F2: variants seen among roughly 807,000 people sequenced by gnomAD.
F2 encodes the protein coagulation factor II, thrombin.
F2 carries 34 observed loss-of-function variants against 81.9 expected under a neutral mutation model. That is an observed-to-expected ratio of 0.42 (90% CI 0.32 to 0.55). The LOEUF (loss-of-function observed/expected upper bound fraction) is 0.55, where lower values mean the gene tolerates loss of function less well. Among genes scored for constraint, F2 ranks in the 20% least tolerant of loss-of-function variants. The probability of loss-of-function intolerance (pLI) is 0.18; values close to 1 mark genes in which losing one functional copy is unlikely to be tolerated. For missense variants in F2, 630 were observed against 833.4 expected, an observed-to-expected ratio of 0.76 and a Z score of 3.00; for synonymous variants, 296 against 326.4, an observed-to-expected ratio of 0.91 and a Z score of 1.01.
rs112619944 is a variant in F2, at chr11:46,720,431, G to A, written c.241-92G>A. On this transcript the variant is annotated intron_variant, in intron 2 of 13. Coordinates refer to ENST00000311907, the MANE Select transcript of F2 (RefSeq NM_000506.5). The stretch of plus-strand genomic sequence containing the variant: ...AGAGCCTGCCCCCTGCGTGACCAGG[G>A]TAAAGGAAAGTGTGAGGAGGAGACA... 9.0e-3 allele frequency: 13,148 copies of A among 1,467,170 alleles called. 123 individuals are homozygous for A. The highest frequency in any genetic ancestry group is 0.028 in the South Asian group (2,440 of 87,934). The allele number at this position is 1,467,170 out of a possible 1,614,324, so 90.9% of individuals were successfully genotyped here.
At position 46,739,389 on chromosome 11, in the gene F2, T is replaced by C. The variant is rs1295742829; in HGVS notation, c.1850T>C (p.Ile617Thr). 3.7e-6 allele frequency: 6 copies of C among 1,614,000 alleles called. No homozygotes were observed. Among genetic ancestry groups the C allele is most frequent in the Non-Finnish European group, 5.1e-6 (6 of 1,180,024 alleles). The stretch of plus-strand genomic sequence containing the variant: ...CTGAAGAAGTGGATACAGAAGGTCA[T>C]TGATCAGTTTGGAGAGTAGGGGGCC... ...FRLKKWIQKV[I>T]DQFGE The change falls in exon 14 of 14, where the codon ATT becomes ACT. Residue 617 changes from isoleucine (I) to threonine (T), a missense_variant. Transcript: ENST00000311907.
intron 12 of F2, among the ~76,000 whole-genome samples, chr11:46,738,599 G>A (rs145646437): frequency 1.3e-5 from 2 of 152,078 alleles, no homozygotes; most frequent in African/African-American, 4.8e-5. Context: ...TTAGCCTCCC[G>A]AGTAGCTGGG....
In F2 at chr11:46,719,571, G is replaced by A. The variant is rs988036917; in HGVS notation, c.80-131G>A. The A allele has an allele frequency of 5.6e-6, 7 of 1,260,050 alleles. No individual in the cohort carries two copies. In the African/African-American group the frequency reaches 1.0e-4, roughly 19 times the overall value. The allele number at this position is 1,260,050 out of a possible 1,614,324, so 78.1% of individuals were successfully genotyped here. A position where few individuals can be genotyped will look rare whatever the true frequency, so the allele number is the denominator to read the frequency against. On this transcript the variant is annotated intron_variant, in intron 1 of 13. Transcript: ENST00000311907. The surrounding 1 kb of genome is among the most constrained non-coding windows in gnomAD (Gnocchi z 4.7). ...GGGGCCACATTTAGCAGCCTTCCAG[G>A]CACTTCCACCAGCCCAGACAGCCTC... is the stretch of plus-strand genomic sequence containing the variant.
chr11:46,737,018 T>C (rs181672375), intron 12 of F2, among the ~76,000 whole-genome samples: 429 of 152,324 alleles, frequency 2.8e-3, no homozygotes, highest in Non-Finnish European at 4.3e-3. Flanking sequence ...CTTATAATTT[T>C]TTCTATTGGT....
In F2 at chr11:46,723,075, G is replaced by A. The variant is rs1156348970; in HGVS notation, c.317-105G>A. ...AGGGGCTGGGTGAATGCAGGTTCAG[G>A]ATTGTGGACCTGCATGAGCTGGGAG... is the stretch of plus-strand genomic sequence containing the variant. On this transcript the variant is annotated intron_variant, in intron 4 of 13. Transcript: ENST00000311907. This position sits in a 1 kb window ranked among gnomAD's most constrained non-coding sequence, Gnocchi z 5.6. The A allele has an allele frequency of 1.1e-6, 1 of 937,346 alleles. No homozygotes were observed. Among genetic ancestry groups the A allele is most frequent in the East Asian group, 2.4e-5 (1 of 41,868 alleles). 58.1% of individuals were successfully genotyped at this position (937,346 alleles called of 1,614,324 possible). A position where few individuals can be genotyped will look rare whatever the true frequency, so the allele number is the denominator to read the frequency against.
In F2 at chr11:46,726,772, C is replaced by T. The variant is rs780610757; in HGVS notation, c.1065C>T (p.Leu355=). The T allele has an allele frequency of 1.3e-4, 215 of 1,614,070 alleles. No homozygotes were observed. Among genetic ancestry groups the T allele is most frequent in the Non-Finnish European group, 1.8e-4 (213 of 1,180,026 alleles). The change falls in exon 9 of 14, where the codon CTC becomes CTT. Residue 355 remains leucine (L), a synonymous_variant. Coordinates refer to ENST00000311907, the MANE Select transcript of F2 (RefSeq NM_000506.5). This position sits in a 1 kb window ranked among gnomAD's most constrained non-coding sequence, Gnocchi z 5.9. The stretch of plus-strand genomic sequence containing the variant: ...TGGAGGACAAAACCGAAAGAGAGCT[C>T]CTGGAATCCTACATCGACGGGCGCA... ...KSLEDKTERE[L]LESYIDGRIV...
chr11:46,732,573 A>G (rs970080738), intron 12 of F2, among the ~76,000 whole-genome samples: 4 of 151,328 alleles, frequency 2.6e-5, no homozygotes, highest in Non-Finnish European at 5.9e-5. Flanking sequence ...AATTTTTTGT[A>G]TTTTTAGTAG....
intron 11 of F2, 37 bp from the exon 12 acceptor site, chr11:46,729,343 G>T (rs1300759437): frequency 1.9e-6 from 3 of 1,603,576 alleles, no homozygotes; most frequent in African/African-American, 2.7e-5. Flanking sequence ...CTCCTGTGGG[G>T]GTTGGCTCTC....
intron 12 of F2, among the ~76,000 whole-genome samples, chr11:46,735,390 G>C (rs1381422418): frequency 1.3e-5 from 2 of 151,898 alleles, no homozygotes; most frequent in African/African-American, 4.8e-5. Context: ...GCAGTGAGCT[G>C]AGATCACGCC....
rs1442770273 is a variant in F2, at chr11:46,723,481, CACCGTG to C, written c.524_529del (p.Thr175_Val176del). Reference sequence around the variant, plus strand: ...GACCCTGGTGCTACACTACAGACCCCACCGTGAGGAGGCAGGAATGCAGCATCCCTG... The same window carrying C: ...GACCCTGGTGCTACACTACAGACCCCAGGAGGCAGGAATGCAGCATCCCTG... On this transcript the variant is annotated inframe_deletion, in exon 6 of 14. Coordinates refer to ENST00000311907, the MANE Select transcript of F2 (RefSeq NM_000506.5). This position sits in a 1 kb window ranked among gnomAD's most constrained non-coding sequence, Gnocchi z 5.6. The C allele has an allele frequency of 6.2e-7, 1 of 1,614,096 alleles. No individual in the cohort carries two copies. Among genetic ancestry groups the C allele is most frequent in the Admixed American group, 1.7e-5 (1 of 60,002 alleles).
chr11:46,726,879 A>G lies in F2; in HGVS notation c.1130+42A>G. 6.2e-7 allele frequency: 1 copy of G among 1,611,052 alleles called. No individual in the cohort carries two copies. Among genetic ancestry groups the G allele is most frequent in the East Asian group, 2.2e-5 (1 of 44,808 alleles). ...TGCGCTACCATTCACTCCTGGGGGC[A>G]GGTGTGCTGCTGGACCCCCACCCTC... On this transcript the variant is annotated intron_variant, in intron 9 of 13. Coordinates refer to ENST00000311907, the MANE Select transcript of F2 (RefSeq NM_000506.5). The surrounding 1 kb of genome is among the most constrained non-coding windows in gnomAD (Gnocchi z 5.9).
At chr11:46,736,978 G>C (rs1415825013) in intron 12 of F2, among the ~76,000 whole-genome samples, 1 of 152,082 alleles carries the variant, frequency 6.6e-6, no homozygotes, top group East Asian at 1.9e-4. Flanking sequence ...GTCTATTATT[G>C]TATCTTTCTT....
In F2 at chr11:46,720,772, C is replaced by T; in HGVS notation, c.266-18C>T. The T allele has an allele frequency of 2.5e-6, 4 of 1,613,868 alleles. No individual in the cohort carries two copies. Among genetic ancestry groups the T allele is most frequent in the Non-Finnish European group, 3.4e-6 (4 of 1,179,788 alleles). On this transcript the variant is annotated intron_variant, in intron 3 of 13. Coordinates refer to ENST00000311907, the MANE Select transcript of F2 (RefSeq NM_000506.5). ...GCCATACCCCAATCCCAAAGGTAAA[C>T]ACCTGGGTCTTTTCCAGCTTGTGAG... is the stretch of plus-strand genomic sequence containing the variant.
intron 12 of F2, among the ~76,000 whole-genome samples, chr11:46,732,156 C>T (rs898453759): frequency 5.3e-5 from 8 of 151,692 alleles, no homozygotes; most frequent in East Asian, 3.9e-4. Flanking sequence ...CCTTGTGATC[C>T]GTCTGCCTCA....
In F2 at chr11:46,728,343, G is replaced by A. The variant is rs969535021; in HGVS notation, c.1298+180G>A. ...CGTCCTGACTGAGGCTTGGAGCTGC[G>A]GGGAGAAATCCGTCTGTCTCCTGGT... On this transcript the variant is annotated intron_variant, in intron 10 of 13. Transcript: ENST00000311907. This position sits in a 1 kb window ranked among gnomAD's most constrained non-coding sequence, Gnocchi z 5.1. Among the ~76,000 whole-genome samples the A allele has an allele frequency of 1.3e-5, 2 of 152,150 alleles. No individual in the cohort carries two copies. The highest frequency in any genetic ancestry group is 2.9e-5 in the Non-Finnish European group (2 of 68,012).
In F2 at chr11:46,719,434, C is replaced by T. The variant is rs761409107; in HGVS notation, c.79+120C>T. The T allele has an allele frequency of 1.1e-5, 14 of 1,238,586 alleles. No homozygotes were observed. The highest frequency in any genetic ancestry group is 5.9e-5 in the Admixed American group (3 of 50,614). 76.7% of individuals were successfully genotyped at this position (1,238,586 alleles called of 1,614,324 possible). A position where few individuals can be genotyped will look rare whatever the true frequency, so the allele number is the denominator to read the frequency against. On this transcript the variant is annotated intron_variant, in intron 1 of 13. Coordinates refer to ENST00000311907, the MANE Select transcript of F2 (RefSeq NM_000506.5). The surrounding 1 kb of genome is among the most constrained non-coding windows in gnomAD (Gnocchi z 4.7). Reference sequence around the variant, plus strand: ...CCCCTAAGTAGGTCTCAGCCCCAGGCGGCCAGCTTAGGGAAGAAGTCAGGA... The same window carrying T: ...CCCCTAAGTAGGTCTCAGCCCCAGGTGGCCAGCTTAGGGAAGAAGTCAGGA...
At chr11:46,731,197 G>A (rs922177210) in intron 12 of F2, among the ~76,000 whole-genome samples, 7 of 151,052 alleles carry the variant, frequency 4.6e-5, no homozygotes, top group Admixed American at 3.3e-4. Flanking sequence ...GATTACAGGC[G>A]TGAACCACTG....
chr11:46,719,603 AAGCCAGC>A lies in F2; in HGVS notation c.80-96_80-90del. 1 of 1,474,746 alleles carries A rather than the reference AAGCCAGC, an allele frequency of 6.8e-7. No homozygotes were observed. Among genetic ancestry groups the A allele is most frequent in the South Asian group, 1.2e-5 (1 of 81,502 alleles). The allele number at this position is 1,474,746 out of a possible 1,614,324, so 91.4% of individuals were successfully genotyped here. A position where few individuals can be genotyped will look rare whatever the true frequency, so the allele number is the denominator to read the frequency against. On this transcript the variant is annotated intron_variant, in intron 1 of 13. Coordinates refer to ENST00000311907, the MANE Select transcript of F2 (RefSeq NM_000506.5). The surrounding 1 kb of genome is among the most constrained non-coding windows in gnomAD (Gnocchi z 4.7). ...CACCAGCCCAGACAGCCTCTCTCAGAAGCCAGCAGGGGAGGGTGGGCTTGCTTCATGC... is the reference window on the plus strand; with the variant it reads ...CACCAGCCCAGACAGCCTCTCTCAGAAGGGGAGGGTGGGCTTGCTTCATGC...
chr11:46,720,598 TGA>T (rs755398788), intron 3 of F2, 51 bp downstream of exon 3: 24 of 1,609,146 alleles, frequency 1.5e-5, no homozygotes. Context: ...GGGACCCCAG[TGA>T]GAGAATTCTA....
Sources: allele counts gnomAD v4.1 joint callset (sites outside exome capture counted in the v4.1 genomes callset), GRCh38; gene constraint gnomAD v4.1.1; non-coding constraint Gnocchi (gnomAD v3.1); transcripts MANE v1.5; gene names NCBI Gene and HGNC (gene_info 2026-07-23, HGNC 2026-07-21).